RYR2: variants seen among roughly 807,000 people sequenced by gnomAD.
RYR2 encodes the protein cardiac muscle ryanodine receptor-calcium release channel.
RYR2 carries 227 observed loss-of-function variants against 601.1 expected under a neutral mutation model. That is an observed-to-expected ratio of 0.38 (90% CI 0.34 to 0.42). RYR2 has a LOEUF of 0.42. RYR2 is among the 10% of genes least tolerant of loss of function. RYR2 has a pLI of 1.00. For missense variants in RYR2, 4,646 were observed against 6,156.5 expected, an observed-to-expected ratio of 0.75 and a Z score of 8.21; for synonymous variants, 2,223 against 2,175.1, an observed-to-expected ratio of 1.02 and a Z score of -0.61.
intron 1 of RYR2, among the ~76,000 whole-genome samples, chr1:237,051,609 C>T (rs925795096): frequency 5.3e-5 from 8 of 152,198 alleles, no homozygotes; most frequent in Admixed American, 3.9e-4. Context: ...AGCTTTTTTA[C>T]GCCGTGGCCT....
intron 63 of RYR2, among the ~76,000 whole-genome samples, chr1:237,690,080 G>A (rs1268924943): frequency 2.6e-5 from 4 of 152,052 alleles, no homozygotes; most frequent in Non-Finnish European, 1.5e-5. Context: ...CAGGTGATCT[G>A]CCCACCTCGG....
chr1:237,574,087 T>G (rs1439978111), intron 29 of RYR2, among the ~76,000 whole-genome samples: 1 of 152,194 alleles, frequency 6.6e-6, no homozygotes, highest in Non-Finnish European at 1.5e-5. Context: ...ATTGTCTATG[T>G]GGCAGATCCT....
chr1:237,704,830 A>G (rs986801413), intron 66 of RYR2, among the ~76,000 whole-genome samples: 21 of 152,114 alleles, frequency 1.4e-4, no homozygotes, highest in Non-Finnish European at 1.5e-5. Context: ...ATCTACAAAT[A>G]TAGATATTTT....
At chr1:237,273,651 T>G (rs1689939808) in intron 2 of RYR2, among the ~76,000 whole-genome samples, 1 of 151,974 alleles carries the variant, frequency 6.6e-6, no homozygotes, top group Non-Finnish European at 1.5e-5. Flanking sequence ...AAATTCAACT[T>G]CCTGATTGCT....
chr1:237,126,867 G>A (rs1026069404), intron 1 of RYR2, among the ~76,000 whole-genome samples: 3 of 151,568 alleles, frequency 2.0e-5, no homozygotes, highest in African/African-American at 7.3e-5. Context: ...CAATAGTGGA[G>A]GGAAGGTCAG....
chr1:237,347,821 G>T (rs1211250397), intron 3 of RYR2, among the ~76,000 whole-genome samples: 1 of 152,034 alleles, frequency 6.6e-6, no homozygotes, highest in Non-Finnish European at 1.5e-5. Flanking sequence ...TAAATTTAAA[G>T]GATTTAATCA....
chr1:237,809,542 G>A (rs1574047561), intron 100 of RYR2, among the ~76,000 whole-genome samples: 1 of 152,044 alleles, frequency 6.6e-6, no homozygotes, highest in Middle Eastern at 3.4e-3. Context: ...GCTTTATATC[G>A]CTGTTCTACA....
intron 74 of RYR2, among the ~76,000 whole-genome samples, chr1:237,725,829 TAA>T (rs1457003316): frequency 6.6e-6 from 1 of 152,104 alleles, no homozygotes; most frequent in Non-Finnish European, 1.5e-5. Flanking sequence ...CTTAGGAACT[TAA>T]AATATGTTTG....
At position 237,368,774 on chromosome 1, in the gene RYR2, A is replaced by G. The variant is rs548771396; in HGVS notation, c.310-760A>G. On this transcript the variant is annotated intron_variant, in intron 5 of 104. Coordinates refer to ENST00000366574, the MANE Select transcript of RYR2 (RefSeq NM_001035.3). ...GGCATTATGATCAATTTTGTGTTCT[A>G]GGAATACTCATTCGTTGAATCAACG... Among the ~76,000 whole-genome samples the G allele has an allele frequency of 2.0e-5, 3 of 152,142 alleles. No individual in the cohort carries two copies. The South Asian group carries it at 6.2e-4, about 32-fold the overall frequency.
intron 62 of RYR2, among the ~76,000 whole-genome samples, chr1:237,682,477 T>C (rs1229408655): frequency 6.6e-6 from 1 of 152,182 alleles, no homozygotes; most frequent in Non-Finnish European, 1.5e-5. Flanking sequence ...ACTATATTTT[T>C]ACTAATTTTT....
Position 237,214,511 on chromosome 1 carries a change from G to A in RYR2, c.49-55986G>A, listed in dbSNP as rs61832414. Reference sequence around the variant, plus strand: ...GAGGTCCCAGGCTCTTTAACAGTCAGCTCTCACAGGAATGAATCCAGTGAG... The same window carrying A: ...GAGGTCCCAGGCTCTTTAACAGTCAACTCTCACAGGAATGAATCCAGTGAG... On this transcript the variant is annotated intron_variant, in intron 1 of 104. Coordinates refer to ENST00000366574, the MANE Select transcript of RYR2 (RefSeq NM_001035.3). Among the ~76,000 whole-genome samples, 1,486 of 152,194 alleles carry A rather than the reference G, an allele frequency of 9.8e-3. 10 individuals carry two copies. Among genetic ancestry groups the A allele is most frequent in the Middle Eastern group, 0.078 (23 of 294 alleles).
At chr1:237,725,645 G>A (rs540848777) in intron 74 of RYR2, among the ~76,000 whole-genome samples, 24 of 152,094 alleles carry the variant, frequency 1.6e-4, no homozygotes, top group African/African-American at 3.9e-4. Flanking sequence ...CTTTGTGTTC[G>A]CCTTTGGATC....
At chr1:237,082,546 TATATATATATAA>T (rs1326797642) in intron 1 of RYR2, among the ~76,000 whole-genome samples, 9 of 120,752 alleles carry the variant, frequency 7.5e-5, no homozygotes, top group African/African-American at 2.3e-4. Flanking sequence ...TATATATATA[TATATATATATAA>T]AATCGGATAT....
At chr1:237,580,301 A>G (rs1411272737) in intron 29 of RYR2, among the ~76,000 whole-genome samples, 1 of 151,350 alleles carries the variant, frequency 6.6e-6, no homozygotes, top group Non-Finnish European at 1.5e-5. Flanking sequence ...GATTACAGGC[A>G]CACACCACGA....
chr1:237,734,863 A>C (rs1272049397), intron 79 of RYR2, among the ~76,000 whole-genome samples: 1 of 152,214 alleles, frequency 6.6e-6, no homozygotes, highest in Non-Finnish European at 1.5e-5. Flanking sequence ...TCAGTATCTC[A>C]GGTAAGGCTT....
chr1:237,324,096 G>C (rs1382075841), intron 2 of RYR2, among the ~76,000 whole-genome samples: 1 of 152,136 alleles, frequency 6.6e-6, no homozygotes, highest in Admixed American at 6.5e-5. Context: ...TATGATTGGG[G>C]TTTTGAAGCA....
At chr1:237,207,144 C>CAA (rs5781942) in intron 1 of RYR2, among the ~76,000 whole-genome samples, 1 of 137,928 alleles carries the variant, frequency 7.3e-6, no homozygotes, top group Admixed American at 7.2e-5. Flanking sequence ...CTGTCTCTAC[C>CAA]AAAAAAAAAA....
chr1:237,373,528 A>G (rs1293274621), intron 6 of RYR2, among the ~76,000 whole-genome samples: 2 of 152,186 alleles, frequency 1.3e-5, no homozygotes. Flanking sequence ...TCGTGATGGT[A>G]GTGTACTTCG....
intron 2 of RYR2, among the ~76,000 whole-genome samples, chr1:237,283,520 G>A (rs1040806847): frequency 6.6e-6 from 1 of 152,140 alleles, no homozygotes; most frequent in Non-Finnish European, 1.5e-5. Flanking sequence ...AGGAAGTAGA[G>A]CCTCAATAAA....
Sources: gnomAD v4.1 joint callset for allele counts (sites outside exome capture counted in the v4.1 genomes callset) on GRCh38, gnomAD v4.1.1 for gene constraint, MANE v1.5 for transcripts, NCBI Gene and HGNC (gene_info 2026-07-23, HGNC 2026-07-21) for gene names.